The following ZEB2 variants were observed in gnomAD, a reference collection of about 807,000 sequenced individuals.
ZEB2 encodes the protein zinc finger E-box-binding homeobox 2.
A neutral mutation model predicts 99.9 loss-of-function variants in ZEB2; 6 were observed. That is an observed-to-expected ratio of 0.06 (90% CI 0.03 to 0.12). ZEB2 has a LOEUF of 0.12. Ranked by LOEUF, ZEB2 falls within the 10% of genes least tolerant of loss-of-function variation. The probability of loss-of-function intolerance (pLI) is 1.00; values close to 1 mark genes in which losing one functional copy is unlikely to be tolerated. For missense variants in ZEB2, 969 were observed against 1,502.8 expected (o/e 0.64, Z 5.87); for synonymous variants, 517 against 542.5 (o/e 0.95, Z 0.65).
chr2:144,481,113 G>C (rs1704505117), intron 2 of ZEB2, among the ~76,000 whole-genome samples: 4 of 152,172 alleles, frequency 2.6e-5, no homozygotes. Context: ...GAAGAAAGAG[G>C]AGAAACGAAG....
intron 2 of ZEB2, among the ~76,000 whole-genome samples, chr2:144,499,684 T>C (rs1263758074): frequency 1.3e-5 from 2 of 152,226 alleles, no homozygotes; most frequent in Non-Finnish European, 2.9e-5. Flanking sequence ...CAAGTATTTA[T>C]TGGATTGGTT....
Position 144,424,826 on chromosome 2 carries a change from T to G in ZEB2, c.373A>C (p.Thr125Pro). The change falls in exon 4 of 10, where the codon ACG becomes CCG. Residue 125 changes from threonine (T) to proline (P), a missense_variant. Around this residue, in one of 8 missense-constraint regions of ZEB2, gnomAD observed 173 missense variants for 217.7 expected, o/e 0.79. Coordinates refer to ENST00000627532, the MANE Select transcript of ZEB2 (RefSeq NM_014795.4). ...EDYDTMGPEA[T>P]IQTAINNGTV... ...CCATTGTTAATTGCGGTCTGGATCG[T>G]GGCTTCTGGCCCCATAGTGTCATAG... 6.2e-7 allele frequency: 1 copy of G among 1,614,092 alleles called. No individual in the cohort carries two copies. Among genetic ancestry groups the G allele is most frequent in the East Asian group, 2.2e-5 (1 of 44,884 alleles).
intron 7 of ZEB2, 43 bp downstream of exon 7, chr2:144,401,156 T>G: frequency 1.3e-6 from 2 of 1,556,504 alleles, no homozygotes; most frequent in Non-Finnish European, 8.9e-7. Context: ...CTCCCCTAAT[T>G]AAGTAAAATG....
chr2:144,507,826 C>CA (rs1704971787), intron 2 of ZEB2, among the ~76,000 whole-genome samples: 1 of 152,150 alleles, frequency 6.6e-6, no homozygotes, highest in African/African-American at 2.4e-5. Flanking sequence ...TGAGGGGAGA[C>CA]AAAGTTTAAC....
At chr2:144,465,747 A>G (rs1704262440) in intron 2 of ZEB2, among the ~76,000 whole-genome samples, 1 of 152,200 alleles carries the variant, frequency 6.6e-6, no homozygotes, top group African/African-American at 2.4e-5. Flanking sequence ...CATGCATTCT[A>G]AAATAAAGGA....
chr2:144,509,413 A>G (rs1704997794), intron 2 of ZEB2, among the ~76,000 whole-genome samples: 1 of 151,902 alleles, frequency 6.6e-6, no homozygotes, highest in Non-Finnish European at 1.5e-5. Flanking sequence ...CTTTTTGTAA[A>G]TTCTGTAAAT....
At chr2:144,469,803 G>A (rs1704330262) in intron 2 of ZEB2, among the ~76,000 whole-genome samples, 1 of 152,138 alleles carries the variant, frequency 6.6e-6, no homozygotes. Flanking sequence ...AACTTTTCTT[G>A]AAAGGTAACT....
chr2:144,457,228 C>T (rs1022352097), intron 2 of ZEB2, among the ~76,000 whole-genome samples: 34 of 152,100 alleles, frequency 2.2e-4, no homozygotes, highest in Non-Finnish European at 4.7e-4. Flanking sequence ...GACATTTTTC[C>T]ACTTGCTCCT....
chr2:144,411,684 T>G (rs1703467018), intron 4 of ZEB2, among the ~76,000 whole-genome samples: 2 of 152,206 alleles, frequency 1.3e-5, no homozygotes, highest in African/African-American at 2.4e-5. Flanking sequence ...TGGGAATTAG[T>G]ACAGCATCTT....
At chr2:144,452,088 C>G (rs1249307097) in intron 2 of ZEB2, among the ~76,000 whole-genome samples, 2 of 152,290 alleles carry the variant, frequency 1.3e-5, no homozygotes, top group Non-Finnish European at 2.9e-5. Context: ...ATGAGCTCCA[C>G]TCACTCGTAC....
chr2:144,427,453 G>A (rs1303110947), intron 3 of ZEB2: 2 of 152,206 alleles, frequency 1.3e-5, no homozygotes, highest in South Asian at 4.1e-4. Context: ...GCTATGTGCT[G>A]AGGTATGACT....
chr2:144,492,507 G>C (rs1393869034), intron 2 of ZEB2, among the ~76,000 whole-genome samples: 1 of 152,158 alleles, frequency 6.6e-6, no homozygotes, highest in African/African-American at 2.4e-5. Context: ...ATGAGAAGCA[G>C]AGATGCAGTT....
intron 4 of ZEB2, among the ~76,000 whole-genome samples, chr2:144,422,186 G>T (rs1035319328): frequency 2.0e-5 from 3 of 152,194 alleles, no homozygotes; most frequent in South Asian, 2.1e-4. Flanking sequence ...TTCACCCACA[G>T]AAATCATGGT....
chr2:144,473,200 G>A (rs1181795069), intron 2 of ZEB2, among the ~76,000 whole-genome samples: 6 of 152,176 alleles, frequency 3.9e-5, no homozygotes, highest in Non-Finnish European at 8.8e-5. Flanking sequence ...TGGTTGTGGG[G>A]AGTGAGAAAG....
intron 6 of ZEB2, among the ~76,000 whole-genome samples, chr2:144,402,246 A>T (rs953796376): frequency 1.2e-4 from 19 of 152,174 alleles, no homozygotes; most frequent in Non-Finnish European, 2.6e-4. Context: ...TCAAGGTAGG[A>T]GGTCAGCCTT....
At chr2:144,492,312 T>C (rs1472883459) in intron 2 of ZEB2, among the ~76,000 whole-genome samples, 1 of 152,182 alleles carries the variant, frequency 6.6e-6, no homozygotes, top group Non-Finnish European at 1.5e-5. Context: ...ACCCATGGTA[T>C]GTATTAAATG....
At chr2:144,499,707 G>A (rs1219861345) in intron 2 of ZEB2, among the ~76,000 whole-genome samples, 1 of 152,022 alleles carries the variant, frequency 6.6e-6, no homozygotes, top group Admixed American at 6.6e-5. Context: ...TAGTCATTCT[G>A]TTTGTACCAC....
intron 4 of ZEB2, among the ~76,000 whole-genome samples, chr2:144,414,347 C>A (rs906367786): frequency 3.9e-5 from 6 of 152,122 alleles, no homozygotes; most frequent in Non-Finnish European, 7.3e-5. Context: ...GCCCCTCATT[C>A]AAAAATTGTC....
In ZEB2 at chr2:144,520,067, C is replaced by A. The variant is rs1408689634; in HGVS notation, c.-198G>T. The A allele has an allele frequency of 2.2e-6, 1 of 454,440 alleles. No individual in the cohort carries two copies. Among genetic ancestry groups the A allele is most frequent in the African/African-American group, 2.0e-5 (1 of 49,998 alleles). 28.2% of individuals were successfully genotyped at this position (454,440 alleles called of 1,614,324 possible). On this transcript the variant is annotated 5_prime_UTR_variant, in exon 1 of 10. Coordinates refer to ENST00000627532, the MANE Select transcript of ZEB2 (RefSeq NM_014795.4). ...CCCGGAGCAAACTGTACAAAAACCTCGCCAAGAGTGTCGGGAGGCAGGACC... is the reference window on the plus strand; with the variant it reads ...CCCGGAGCAAACTGTACAAAAACCTAGCCAAGAGTGTCGGGAGGCAGGACC...
Sources: allele counts gnomAD v4.1 joint callset (sites outside exome capture counted in the v4.1 genomes callset), GRCh38; gene constraint gnomAD v4.1.1; regional missense constraint gnomAD v4.1.1; transcripts MANE v1.5; gene names NCBI Gene and HGNC (gene_info 2026-07-23, HGNC 2026-07-21).